DNAH6: variants seen among roughly 807,000 people sequenced by gnomAD.
The protein encoded by DNAH6 is axonemal beta dynein heavy chain 6.
In DNAH6, 340 loss-of-function variants were observed where a neutral mutation model predicts 491.4. That is an observed-to-expected ratio of 0.69 (90% CI 0.63 to 0.76). DNAH6 has a LOEUF of 0.76. Among genes scored for constraint, DNAH6 ranks in the 30% least tolerant of loss-of-function variants. The pLI is 0.00. For missense variants in DNAH6, 4,443 were observed against 4,972.2 expected (o/e 0.89, Z 3.20); for synonymous variants, 1,603 against 1,686.1 (o/e 0.95, Z 1.21).
At chr2:84,758,339 A>G (rs189354839) in intron 63 of DNAH6, among the ~76,000 whole-genome samples, 113 of 152,368 alleles carry the variant, frequency 7.4e-4, no homozygotes, top group African/African-American at 2.6e-3. Flanking sequence ...AATGGTTTAT[A>G]TAATCAAGGC....
chr2:84,734,275 G>A (rs1573642463), intron 62 of DNAH6, among the ~76,000 whole-genome samples: 1 of 151,284 alleles, frequency 6.6e-6, no homozygotes, highest in South Asian at 2.1e-4. Context: ...CTAGTAGCTG[G>A]GACTTCAGGC....
chr2:84,703,844 A>G (rs548620694), intron 50 of DNAH6, among the ~76,000 whole-genome samples: 1 of 152,298 alleles, frequency 6.6e-6, no homozygotes, highest in East Asian at 1.9e-4. Flanking sequence ...TAAAGCAACT[A>G]TGTCTCTCCT....
rs72836487 is a variant in DNAH6 at position 84,808,370 on chromosome 2, C to A, written c.11612-45C>A. On this transcript the variant is annotated intron_variant, in intron 71 of 76. Transcript: ENST00000389394. ...CATTGCCTTAGCAATATTGTGAGAA[C>A]AAATCAATGGTGACTGGCCTGAGGA... 2.5e-3 allele frequency: 3,717 copies of A among 1,462,708 alleles called. 11 individuals carry two copies. Among genetic ancestry groups the A allele is most frequent in the Non-Finnish European group, 3.0e-3 (3,312 of 1,108,330 alleles). The allele number at this position is 1,462,708 out of a possible 1,614,324, so 90.6% of individuals were successfully genotyped here.
Position 84,670,387 on chromosome 2 carries a change from T to A in DNAH6, c.6366T>A (p.Val2122=). The change falls in exon 39 of 77, where the codon GTT becomes GTA. Residue 2122 remains valine, a synonymous_variant. Coordinates refer to ENST00000389394, the MANE Select transcript of DNAH6 (RefSeq NM_001370.2). ...AAGAATCAGCTGGCTATGTCCCTGT[T>A]TATCTAAATTTTTCTGCTCAAACTT... is the stretch of plus-strand genomic sequence containing the variant. ...KIQESAGYVP[V]YLNFSAQTSS... is the part of the protein sequence containing the mutation. 2 of 1,544,916 alleles carry A rather than the reference T, an allele frequency of 1.3e-6. No homozygotes were observed. The highest frequency in any genetic ancestry group is 2.4e-5 in the South Asian group (2 of 83,028).
chr2:84,502,205 G>T, the DNAH6 span, among the ~76,000 whole-genome samples: 1 of 152,022 alleles, frequency 6.6e-6, no homozygotes, highest in Non-Finnish European at 1.5e-5. Flanking sequence ...ATCCCATAGG[G>T]TTTGGTATAT....
chr2:84,647,019 GTATTTT>G (rs1478527754), intron 33 of DNAH6, among the ~76,000 whole-genome samples: 1 of 151,970 alleles, frequency 6.6e-6, no homozygotes, highest in African/African-American at 2.4e-5. Flanking sequence ...GGCTAATTTT[GTATTTT>G]TGGTAGAGAC....
the DNAH6 span, among the ~76,000 whole-genome samples, chr2:84,472,472 G>C: frequency 2.6e-5 from 4 of 151,950 alleles, no homozygotes; most frequent in Non-Finnish European, 5.9e-5. Flanking sequence ...AATGTGAATA[G>C]GTATCTACTG....
At chr2:84,753,981 C>T (rs1276928569) in intron 63 of DNAH6, among the ~76,000 whole-genome samples, 3 of 151,146 alleles carry the variant, frequency 2.0e-5, no homozygotes, top group African/African-American at 2.4e-5. Context: ...TGCACCACCA[C>T]GCCCAGCTAA....
intron 68 of DNAH6, among the ~76,000 whole-genome samples, chr2:84,792,012 T>G (rs1677802306): frequency 6.6e-6 from 1 of 152,022 alleles, no homozygotes; most frequent in African/African-American, 2.4e-5. Context: ...ACACAGAGAG[T>G]ATCGTATATA....
At chr2:84,506,167 T>A in the DNAH6 span, among the ~76,000 whole-genome samples, 1 of 152,206 alleles carries the variant, frequency 6.6e-6, no homozygotes, top group Non-Finnish European at 1.5e-5. Flanking sequence ...TAGTTTGCAG[T>A]CCCACCAACA....
rs1404227529 is a variant in DNAH6 at position 84,530,588 on chromosome 2, T to G, written c.662+1422T>G. 3.3e-5 allele frequency among the ~76,000 whole-genome samples: 5 copies of G among 152,164 alleles called. No individual in the cohort carries two copies. The East Asian group carries it at 9.6e-4, about 29-fold the overall frequency. ...GGCAGAAAAGTGTCACGATCTGATT[T>G]ACATTTTTTAAGGAAACATTCTGGC... On this transcript the variant is annotated intron_variant, in intron 4 of 76. Coordinates refer to ENST00000389394, the MANE Select transcript of DNAH6 (RefSeq NM_001370.2).
chr2:84,744,333 G>A (rs1672773677), intron 62 of DNAH6, among the ~76,000 whole-genome samples: 1 of 152,180 alleles, frequency 6.6e-6, no homozygotes, highest in African/African-American at 2.4e-5. Context: ...TATACCATAT[G>A]CATTCTGTAC....
the DNAH6 span, among the ~76,000 whole-genome samples, chr2:84,498,917 A>G: frequency 6.6e-6 from 1 of 152,084 alleles, no homozygotes; most frequent in Non-Finnish European, 1.5e-5. Flanking sequence ...AAATTTTTTT[A>G]ATGTTGTGGG....
intron 1 of DNAH6, 79 bp from the exon 2 acceptor site, chr2:84,517,740 A>T: frequency 9.2e-7 from 1 of 1,085,074 alleles, no homozygotes; most frequent in Non-Finnish European, 1.3e-6. Flanking sequence ...CCTAGTCCTT[A>T]AGTCCCTCTC....
chr2:84,685,344 C>T lies in DNAH6; in HGVS notation c.6935C>T (p.Pro2312Leu). ...AAAACAGGTATCCTCCAATGTGATC[C>T]AGGAACAATAAGAGAAGAAATTCAG... ...KCVQGILQCD[P>L]GTIREEIQIF... The change falls in exon 43 of 77, where the codon CCA becomes CTA. Residue 2312 changes from proline to leucine, a missense_variant. Coordinates refer to ENST00000389394, the MANE Select transcript of DNAH6 (RefSeq NM_001370.2). 1 of 1,506,314 alleles carries T rather than the reference C, an allele frequency of 6.6e-7. No individual in the cohort carries two copies. Among genetic ancestry groups the T allele is most frequent in the East Asian group, 2.5e-5 (1 of 40,526 alleles). The allele number at this position is 1,506,314 out of a possible 1,614,324, so 93.3% of individuals were successfully genotyped here. A position where few individuals can be genotyped will look rare whatever the true frequency, so the allele number is the denominator to read the frequency against.
chr2:84,771,301 CAAAAA>C (rs1675584596), intron 64 of DNAH6, among the ~76,000 whole-genome samples: 2 of 148,960 alleles, frequency 1.3e-5, no homozygotes, highest in African/African-American at 4.9e-5. Context: ...AAAAAAAAAA[CAAAAA>C]GAAGTTAACA....
chr2:84,805,911 G>A (rs1264349461), intron 71 of DNAH6, 117 bp downstream of exon 71: 1 of 838,796 alleles, frequency 1.2e-6, no homozygotes, highest in Admixed American at 3.5e-5. Flanking sequence ...TTAACCTAAA[G>A]AGCTCTTTTG....
chr2:84,497,839 C>A, the DNAH6 span, among the ~76,000 whole-genome samples: 1 of 152,142 alleles, frequency 6.6e-6, no homozygotes, highest in Non-Finnish European at 1.5e-5. Flanking sequence ...GGCATCTGGG[C>A]AAACTGGCAA....
chr2:84,812,069 C>T (rs1680039192), intron 72 of DNAH6, among the ~76,000 whole-genome samples: 1 of 152,196 alleles, frequency 6.6e-6, no homozygotes, highest in Admixed American at 6.5e-5. Flanking sequence ...CCAGCCACTT[C>T]TCCAGGCTTC....
Sources: gnomAD v4.1 joint callset for allele counts (sites outside exome capture counted in the v4.1 genomes callset) on GRCh38, gnomAD v4.1.1 for gene constraint, MANE v1.5 for transcripts, NCBI Gene and HGNC (gene_info 2026-07-23, HGNC 2026-07-21) for gene names.